The following APP variants were observed in gnomAD, a reference collection of about 807,000 sequenced individuals.
The protein encoded by APP is amyloid-beta precursor protein.
A neutral mutation model predicts 101.4 loss-of-function variants in APP; 31 were observed. That is an observed-to-expected ratio of 0.31 (90% CI 0.23 to 0.41). The LOEUF is 0.41. Ranked by LOEUF, APP falls within the 10% of genes least tolerant of loss-of-function variation. The pLI, the probability that APP is intolerant of heterozygous loss-of-function variation, is 1.00. For synonymous variants in APP, 366 were observed against 364.4 expected (o/e 1.00, Z -0.05); for missense variants, 839 against 1,003.7 (o/e 0.84, Z 2.22).
chr21:26,071,544 T>C (rs1157546938), intron 3 of APP, among the ~76,000 whole-genome samples: 1 of 152,212 alleles, frequency 6.6e-6, no homozygotes, highest in African/African-American at 2.4e-5. Flanking sequence ...GATTAATGCT[T>C]ATAATTAGAG....
chr21:25,904,153 G>A (rs931642964), intron 15 of APP, among the ~76,000 whole-genome samples: 3 of 152,110 alleles, frequency 2.0e-5, no homozygotes, highest in African/African-American at 7.2e-5. Flanking sequence ...GTGTTATTTG[G>A]GATTAAAATC....
chr21:26,093,317 G>C (rs2061866687), intron 2 of APP, among the ~76,000 whole-genome samples: 1 of 152,190 alleles, frequency 6.6e-6, no homozygotes, highest in African/African-American at 2.4e-5. Flanking sequence ...TTTATGTGCA[G>C]TAAAGTGTGA....
intron 6 of APP, among the ~76,000 whole-genome samples, chr21:26,001,222 G>A (rs1429682459): frequency 6.6e-6 from 1 of 152,134 alleles, no homozygotes; most frequent in Non-Finnish European, 1.5e-5. Context: ...CCCAAGATCA[G>A]TTTCACTCAT....
At chr21:26,102,352 G>A (rs1310265383) in intron 2 of APP, among the ~76,000 whole-genome samples, 3 of 152,014 alleles carry the variant, frequency 2.0e-5, no homozygotes, top group Admixed American at 6.6e-5. Flanking sequence ...GCCTCCCAAA[G>A]TGCTGGGATT....
intron 9 of APP, among the ~76,000 whole-genome samples, chr21:25,978,223 C>T (rs2042294185): frequency 6.6e-6 from 1 of 152,184 alleles, no homozygotes; most frequent in Non-Finnish European, 1.5e-5. Flanking sequence ...TATACCCCCA[C>T]AAATAAACAA....
intron 1 of APP, among the ~76,000 whole-genome samples, chr21:26,122,273 T>C (rs2062590656): frequency 6.6e-6 from 1 of 152,200 alleles, no homozygotes; most frequent in Non-Finnish European, 1.5e-5. Flanking sequence ...AGGGAGTCAG[T>C]ATACACTGCT....
chr21:26,107,074 T>G (rs2062199119), intron 2 of APP, among the ~76,000 whole-genome samples: 1 of 152,216 alleles, frequency 6.6e-6, no homozygotes, highest in South Asian at 2.1e-4. Flanking sequence ...TATCTGATTC[T>G]ACAGCATGTT....
intron 13 of APP, among the ~76,000 whole-genome samples, chr21:25,926,225 C>A (rs1274475217): frequency 6.6e-6 from 1 of 152,198 alleles, no homozygotes; most frequent in Non-Finnish European, 1.5e-5. Context: ...ACAGGACAAA[C>A]TTCATTGCTG....
At chr21:26,023,179 C>G (rs1193872812) in intron 5 of APP, among the ~76,000 whole-genome samples, 1 of 152,144 alleles carries the variant, frequency 6.6e-6, no homozygotes, top group African/African-American at 2.4e-5. Flanking sequence ...CCAAATATTT[C>G]AGTGGTTCTC....
chr21:25,991,045 T>A (rs985709281), intron 8 of APP, among the ~76,000 whole-genome samples: 1 of 152,202 alleles, frequency 6.6e-6, no homozygotes, highest in Admixed American at 6.5e-5. Flanking sequence ...TGGAGGCCAT[T>A]ATTCTAAGTG....
chr21:25,931,779 A>G (rs1352878808), intron 13 of APP, among the ~76,000 whole-genome samples: 1 of 152,182 alleles, frequency 6.6e-6, no homozygotes, highest in African/African-American at 2.4e-5. Context: ...TATGGGGGAG[A>G]AAGGTTCTGT....
rs77497378 is a variant in APP, at chr21:26,142,278, A to G, written c.57+28286T>C. ...CTGAGCATGTTGTGGAACCAGAGAGACTTAAGAGGCTGCACCACCACACAG... is the reference window on the plus strand; with the variant it reads ...CTGAGCATGTTGTGGAACCAGAGAGGCTTAAGAGGCTGCACCACCACACAG... On this transcript the variant is annotated intron_variant, in intron 1 of 17. Coordinates refer to ENST00000346798, the MANE Select transcript of APP (RefSeq NM_000484.4). Among the ~76,000 whole-genome samples, 57 of 152,228 alleles carry G rather than the reference A, an allele frequency of 3.7e-4. 1 individual carries two copies. In the East Asian group the frequency reaches 9.5e-3, roughly 25 times the overall value.
chr21:25,964,703 C>T (rs572481069), intron 11 of APP, among the ~76,000 whole-genome samples: 228 of 150,774 alleles, frequency 1.5e-3, no homozygotes, highest in African/African-American at 5.3e-3. Flanking sequence ...CGGGTTCAAG[C>T]GATTCTCCTG....
At chr21:25,988,668 C>T (rs1478616398) in intron 8 of APP, among the ~76,000 whole-genome samples, 1 of 140,550 alleles carries the variant, frequency 7.1e-6, no homozygotes, top group Admixed American at 7.5e-5. Context: ...TGCCATTGCA[C>T]CCCAGCCTGG....
chr21:26,058,157 G>A (rs1012399749), intron 3 of APP, among the ~76,000 whole-genome samples: 1 of 152,170 alleles, frequency 6.6e-6, no homozygotes, highest in Non-Finnish European at 1.5e-5. Flanking sequence ...GTGTTTTATG[G>A]TCACAGAAAT....
At chr21:25,980,389 G>T (rs1032622589) in intron 9 of APP, among the ~76,000 whole-genome samples, 1 of 152,182 alleles carries the variant, frequency 6.6e-6, no homozygotes, top group Non-Finnish European at 1.5e-5. Flanking sequence ...CATTTCAGTG[G>T]CAATAAGTAT....
intron 1 of APP, among the ~76,000 whole-genome samples, chr21:26,134,164 T>C (rs73168387): frequency 0.15 from 22,510 of 152,164 alleles, 1,856 homozygotes; most frequent in Admixed American, 0.23. Flanking sequence ...TTTGTAGAGA[T>C]GAGGTCTCCC....
intron 2 of APP, among the ~76,000 whole-genome samples, chr21:26,109,396 G>C (rs965593083): frequency 1.3e-5 from 2 of 152,192 alleles, no homozygotes; most frequent in Non-Finnish European, 2.9e-5. Context: ...TTGAAAGTGT[G>C]TAGCACCTCT....
chr21:25,996,831 C>T (rs547201735), intron 8 of APP, among the ~76,000 whole-genome samples: 18 of 152,324 alleles, frequency 1.2e-4, no homozygotes, highest in Admixed American at 3.3e-4. Context: ...CTCCTCACCC[C>T]TCCTTCATGC....
Sources: allele counts gnomAD v4.1 joint callset (sites outside exome capture counted in the v4.1 genomes callset), GRCh38; gene constraint gnomAD v4.1.1; transcripts MANE v1.5; gene names NCBI Gene and HGNC (gene_info 2026-07-23, HGNC 2026-07-21).